Variants in RPS6KA2 observed in about 807,000 individuals in gnomAD.
RPS6KA2 encodes the protein ribosomal protein S6 kinase alpha-2.
Under a neutral mutation model 91.8 loss-of-function variants are expected in RPS6KA2, and 42 were observed. That is an observed-to-expected ratio of 0.46 (90% CI 0.36 to 0.59). The LOEUF (loss-of-function observed/expected upper bound fraction) is 0.59. Ranked by LOEUF, RPS6KA2 falls within the 20% of genes least tolerant of loss-of-function variation. The pLI, the probability that RPS6KA2 is intolerant of heterozygous loss-of-function variation, is 0.00. For missense variants in RPS6KA2, 798 were observed against 978.5 expected, an observed-to-expected ratio of 0.82 and a Z score of 2.46; for synonymous variants, 414 against 393.6, an observed-to-expected ratio of 1.05 and a Z score of -0.61.
chr6:166,689,545 G>T (rs565672210), intron 2 of RPS6KA2, among the ~76,000 whole-genome samples: 1 of 152,316 alleles, frequency 6.6e-6, no homozygotes, highest in South Asian at 2.1e-4. Flanking sequence ...AGGGGATCCT[G>T]GAATCTGCTT....
chr6:166,741,829 G>T (rs1488143195), intron 2 of RPS6KA2, among the ~76,000 whole-genome samples: 1 of 152,206 alleles, frequency 6.6e-6, no homozygotes, highest in Non-Finnish European at 1.5e-5. Flanking sequence ...CCTGACAGCT[G>T]CCTCAAGAAA....
At chr6:166,469,065 C>T (rs371158077) in intron 11 of RPS6KA2, among the ~76,000 whole-genome samples, 2 of 152,194 alleles carry the variant, frequency 1.3e-5, no homozygotes, top group East Asian at 1.9e-4. Context: ...GAGGTATCGC[C>T]TTCCTCAGAT....
At chr6:166,681,505 A>G (rs754809992) in intron 2 of RPS6KA2, among the ~76,000 whole-genome samples, 14 of 151,916 alleles carry the variant, frequency 9.2e-5, no homozygotes, top group Non-Finnish European at 1.6e-4. Flanking sequence ...ACCTGCAGCC[A>G]CGGCTGACCA....
chr6:166,686,235 G>A (rs1406046577), intron 2 of RPS6KA2, among the ~76,000 whole-genome samples: 1 of 152,076 alleles, frequency 6.6e-6, no homozygotes, highest in African/African-American at 2.4e-5. Context: ...GGTGCATATC[G>A]GGCACCAGGC....
chr6:166,717,234 C>G (rs1790038916), intron 2 of RPS6KA2, among the ~76,000 whole-genome samples: 1 of 152,172 alleles, frequency 6.6e-6, no homozygotes, highest in East Asian at 1.9e-4. Flanking sequence ...TTGCTGGGAA[C>G]AAGGAGCAGA....
intron 2 of RPS6KA2, among the ~76,000 whole-genome samples, chr6:166,671,438 CTACTCCTGGAGCCCCCATGGTG>C (rs1365616356): frequency 6.6e-6 from 1 of 152,162 alleles, no homozygotes; most frequent in Non-Finnish European, 1.5e-5. Context: ...GTCATATTCA[CTACTCCTGGAGCCCCCATGGTG>C]TACTGACGCT....
Position 166,647,849 on chromosome 6 carries a change from C to T in RPS6KA2, c.124-109065G>A, listed in dbSNP as rs540594768. ...ACATGCACATGCTCACACACGCACA[C>T]GCACATGCTCATACACACATGCACA... is the stretch of plus-strand genomic sequence containing the variant. On this transcript the variant is annotated intron_variant, in intron 2 of 21. Coordinates refer to the RPS6KA2 transcript ENST00000503859. Among the ~76,000 whole-genome samples, 6 of 123,558 alleles carry T rather than the reference C, an allele frequency of 4.9e-5. No homozygotes were observed. The East Asian group carries it at 1.1e-3, about 22-fold the overall frequency. 81.1% of individuals were successfully genotyped at this position (123,558 alleles called of 152,430 possible).
intron 1 of RPS6KA2, chr6:166,586,538 G>T (rs747166726): frequency 2.0e-6 from 3 of 1,498,670 alleles, no homozygotes; most frequent in Non-Finnish European, 2.7e-6. Flanking sequence ...GTTTAAATCC[G>T]CCAAGGGCTA....
At chr6:166,722,177 A>G (rs767521391) in intron 2 of RPS6KA2, among the ~76,000 whole-genome samples, 6 of 152,288 alleles carry the variant, frequency 3.9e-5, no homozygotes, top group African/African-American at 7.2e-5. Context: ...AGTGTGACTC[A>G]GAAGGTCCAA....
Position 166,737,564 on chromosome 6 carries a change from A to G in RPS6KA2, c.123+120636T>C, listed in dbSNP as rs1016499129. ...AAACGTCTCCTTTGCAAATTGTTCA[A>G]TTAAAAACAGAATGAGCTTTTTCAC... is the stretch of plus-strand genomic sequence containing the variant. On this transcript the variant is annotated intron_variant, in intron 2 of 21. Transcript: ENST00000503859. The surrounding 1 kb of genome is among the most constrained non-coding windows in gnomAD (Gnocchi z 4.3). 2.0e-5 allele frequency among the ~76,000 whole-genome samples: 3 copies of G among 152,214 alleles called. No individual in the cohort carries two copies. The highest frequency in any genetic ancestry group is 7.2e-5 in the African/African-American group (3 of 41,454).
chr6:166,832,300 G>A (rs1296731860), intron 2 of RPS6KA2, among the ~76,000 whole-genome samples: 7 of 152,158 alleles, frequency 4.6e-5, no homozygotes, highest in Non-Finnish European at 1.0e-4. Context: ...TGGCTGTGCT[G>A]AGGAAGTTGG....
At chr6:166,688,151 G>T (rs1010994275) in intron 2 of RPS6KA2, among the ~76,000 whole-genome samples, 23 of 152,296 alleles carry the variant, frequency 1.5e-4, no homozygotes, top group African/African-American at 5.3e-4. Flanking sequence ...TCTCTGGAAG[G>T]CGAAGGAGCT....
chr6:166,630,566 C>T (rs1046755539), upstream of RPS6KA2, among the ~76,000 whole-genome samples: 2 of 152,242 alleles, frequency 1.3e-5, no homozygotes, highest in Non-Finnish European at 2.9e-5. Flanking sequence ...TGGCCATCTG[C>T]GAAAGCAGGA....
chr6:166,482,694 G>A (rs568056929), intron 10 of RPS6KA2, among the ~76,000 whole-genome samples: 46 of 152,270 alleles, frequency 3.0e-4, no homozygotes, highest in South Asian at 2.5e-3. Flanking sequence ...CGTTGGAGGA[G>A]AGAAAACCCA....
At chr6:166,757,534 A>C in intron 2 of RPS6KA2, 1 of 456,194 alleles carries the variant, frequency 2.2e-6, no homozygotes, top group Non-Finnish European at 4.4e-6. Flanking sequence ...TACCTTTCTG[A>C]GGAACAGTCT....
chr6:166,446,761 G>A (rs531750249), intron 14 of RPS6KA2, among the ~76,000 whole-genome samples: 21 of 152,314 alleles, frequency 1.4e-4, no homozygotes, highest in Non-Finnish European at 2.9e-5. Context: ...AGGGCACCGC[G>A]GCTGCTGGGC....
intron 1 of RPS6KA2, among the ~76,000 whole-genome samples, chr6:166,543,057 G>A (rs1024430745): frequency 3.3e-5 from 5 of 152,088 alleles, no homozygotes; most frequent in Non-Finnish European, 2.9e-5. Context: ...CAACTCACAG[G>A]TCCCATCAAG....
intron 2 of RPS6KA2, among the ~76,000 whole-genome samples, chr6:166,690,437 C>G (rs1260032916): frequency 6.6e-6 from 1 of 152,228 alleles, no homozygotes; most frequent in East Asian, 1.9e-4. Context: ...GTGTCTATCA[C>G]AAGATCAGAC....
intron 2 of RPS6KA2, among the ~76,000 whole-genome samples, chr6:166,795,355 G>T (rs73266849): frequency 0.049 from 7,456 of 152,196 alleles, 610 homozygotes; most frequent in African/African-American, 0.17. Context: ...TTAAATTAAA[G>T]GAACAGAACA....
Sources: gnomAD v4.1 joint callset for allele counts (sites outside exome capture counted in the v4.1 genomes callset) on GRCh38, gnomAD v4.1.1 for gene constraint, Gnocchi (gnomAD v3.1) non-coding constraint, MANE v1.5 for transcripts, NCBI Gene and HGNC (gene_info 2026-07-23, HGNC 2026-07-21) for gene names.